The following ADCY9 variants were observed in gnomAD, a reference collection of about 807,000 sequenced individuals.
The protein encoded by ADCY9 is adenylate cyclase 9, also known as adenylate cyclase type 9.
ADCY9 carries 50 observed loss-of-function variants against 101.5 expected under a neutral mutation model. That is an observed-to-expected ratio of 0.49 (90% CI 0.39 to 0.62). The LOEUF (loss-of-function observed/expected upper bound fraction) is 0.62. ADCY9 is among the 20% of genes least tolerant of loss of function. The pLI is 0.00. For missense variants in ADCY9, 1,662 were observed against 1,800.4 expected, an observed-to-expected ratio of 0.92 and a Z score of 1.39; for synonymous variants, 905 against 769.3, an observed-to-expected ratio of 1.18 and a Z score of -2.92.
chr16:3,965,180 T>TG lies in ADCY9; in HGVS notation c.*594dup. ...TGCTCGGGAAAGTGCGGGTGGGCAA[T>TG]GGGGGGTGGCGGAGCTGTCGTGACA... On this transcript the variant is annotated 3_prime_UTR_variant, in exon 11 of 11. Transcript: ENST00000294016. 1 of 156,268 alleles carries TG rather than the reference T, an allele frequency of 6.4e-6. No individual in the cohort carries two copies. The highest frequency in any genetic ancestry group is 1.4e-5 in the Non-Finnish European group (1 of 70,454). 9.7% of individuals were successfully genotyped at this position (156,268 alleles called of 1,614,324 possible).
At chr16:3,970,448 T>TC (rs1402161668) in intron 10 of ADCY9, among the ~76,000 whole-genome samples, 5 of 152,172 alleles carry the variant, frequency 3.3e-5, no homozygotes, top group Non-Finnish European at 7.3e-5. Flanking sequence ...TGCCTCAGCC[T>TC]CCCGAGTAGC....
chr16:4,102,189 A>T (rs365010), intron 2 of ADCY9, among the ~76,000 whole-genome samples: 2 of 151,946 alleles, frequency 1.3e-5, no homozygotes, highest in Admixed American at 6.6e-5. Context: ...TATGCAAATA[A>T]GTGCTTTTCT....
intron 2 of ADCY9, among the ~76,000 whole-genome samples, chr16:4,108,360 ATTTTTTTT>A (rs869169536): frequency 1.3e-4 from 7 of 53,740 alleles, no homozygotes; most frequent in South Asian, 2.4e-3. Context: ...CCGTTTCTTC[ATTTTTTTT>A]TTTTTTTTTT....
chr16:4,046,541 G>C (rs78101013), intron 2 of ADCY9, among the ~76,000 whole-genome samples: 1 of 152,102 alleles, frequency 6.6e-6, no homozygotes, highest in Non-Finnish European at 1.5e-5. Flanking sequence ...GCTGGGAGTA[G>C]CTTAGTAGTC....
intron 2 of ADCY9, among the ~76,000 whole-genome samples, chr16:4,046,834 C>T (rs1182884650): frequency 6.7e-5 from 10 of 149,328 alleles, no homozygotes; most frequent in Non-Finnish European, 1.3e-4. Flanking sequence ...CTCAACAAAA[C>T]AACAAAAAAA....
At chr16:3,988,793 A>G (rs2056219601) in intron 6 of ADCY9, among the ~76,000 whole-genome samples, 1 of 152,186 alleles carries the variant, frequency 6.6e-6, no homozygotes, top group African/African-American at 2.4e-5. Flanking sequence ...CTTTAAGACA[A>G]AGGACTAAAG....
intron 10 of ADCY9, among the ~76,000 whole-genome samples, chr16:3,970,019 C>A (rs1257150551): frequency 6.6e-6 from 1 of 152,150 alleles, no homozygotes; most frequent in Non-Finnish European, 1.5e-5. Flanking sequence ...GCATTCTAGT[C>A]TTTTTCTTTT....
At chr16:4,034,979 C>T (rs1240588842) in intron 2 of ADCY9, among the ~76,000 whole-genome samples, 1 of 152,232 alleles carries the variant, frequency 6.6e-6, no homozygotes, top group Non-Finnish European at 1.5e-5. Context: ...ACATCTGGCA[C>T]AGCAGCTGTA....
chr16:3,983,331 A>G lies in ADCY9; in HGVS notation c.2420T>C (p.Leu807Pro). 1 of 1,586,554 alleles carries G rather than the reference A, an allele frequency of 6.3e-7. No individual in the cohort carries two copies. Among genetic ancestry groups the G allele is most frequent in the Non-Finnish European group, 8.6e-7 (1 of 1,166,726 alleles). The change falls in exon 7 of 11, where the codon CTG (leucine) becomes CCG (proline). Residue 807 changes from leucine to proline, a missense_variant. By Grantham distance (98) the Leu-to-Pro change is moderately conservative. This residue lies in a region of ADCY9 where 624 missense variants were observed against 639.1 expected (regional missense o/e 0.98). Coordinates refer to ENST00000294016, the MANE Select transcript of ADCY9 (RefSeq NM_001116.4). ...VFLTLSTTCFLKYEAATVPPP... is the reference protein window; with the variant it reads ...VFLTLSTTCFPKYEAATVPPP... ...AGGCACGGTGGCCGCCTCGTACTTCAGGAAGCAGGTGGTGGACAGCGTCAG... is the reference window on the plus strand; with the variant it reads ...AGGCACGGTGGCCGCCTCGTACTTCGGGAAGCAGGTGGTGGACAGCGTCAG...
At chr16:4,089,118 G>GT (rs113310373) in intron 2 of ADCY9, among the ~76,000 whole-genome samples, 47,267 of 151,548 alleles carry the variant, frequency 0.31, 8,281 homozygotes, top group East Asian at 0.51. Flanking sequence ...TTGAGACAGA[G>GT]ATTGCTCTGT....
downstream of ADCY9, among the ~76,000 whole-genome samples, chr16:3,960,205 A>T (rs2055930459): frequency 6.6e-6 from 1 of 151,524 alleles, no homozygotes; most frequent in Admixed American, 6.6e-5. Context: ...GCATTCGTGG[A>T]CTCCTGAAAT....
chr16:3,959,221 C>T (rs1041654610), downstream of ADCY9, among the ~76,000 whole-genome samples: 48 of 151,996 alleles, frequency 3.2e-4, no homozygotes, highest in African/African-American at 1.1e-3. Context: ...ACCAGCAGGG[C>T]GTAGTGGCAC....
intron 2 of ADCY9, among the ~76,000 whole-genome samples, chr16:4,045,930 G>A (rs988504598): frequency 2.5e-5 from 3 of 121,384 alleles, no homozygotes; most frequent in African/African-American, 9.3e-5. Flanking sequence ...GGCTGGTCTT[G>A]AACTCCTAGG....
At chr16:4,087,583 G>C (rs545820468) in intron 2 of ADCY9, among the ~76,000 whole-genome samples, 1 of 149,488 alleles carries the variant, frequency 6.7e-6, no homozygotes, top group African/African-American at 2.4e-5. Context: ...CAACAGCTAA[G>C]AGTTTGGCAG....
At chr16:3,981,442 C>A (rs373312126) in intron 7 of ADCY9, among the ~76,000 whole-genome samples, 2 of 152,086 alleles carry the variant, frequency 1.3e-5, no homozygotes, top group Non-Finnish European at 2.9e-5. Flanking sequence ...GAGTGACTGC[C>A]CATGAGGATG....
chr16:4,094,375 T>C (rs1410461051), intron 2 of ADCY9, among the ~76,000 whole-genome samples: 1 of 152,182 alleles, frequency 6.6e-6, no homozygotes, highest in African/African-American at 2.4e-5. Context: ...GACAACCCTG[T>C]CCTTCAGAAC....
At chr16:3,983,157 C>T in intron 7 of ADCY9, 75 bp downstream of exon 7, 1 of 1,382,718 alleles carries the variant, frequency 7.2e-7, no homozygotes, top group Non-Finnish European at 9.7e-7. Context: ...AGTCCAACCG[C>T]TCAGCCATAA....
Position 4,106,195 on chromosome 16 carries a change from A to T in ADCY9, c.1693+7555T>A, listed in dbSNP as rs1597230892. ...ATTTCCAAGAGCAGACAAGTTTTAC[A>T]AGGGGCAGTCTTCTTCGCTGAAGTT... On this transcript the variant is annotated intron_variant, in intron 2 of 10. Coordinates refer to ENST00000294016, the MANE Select transcript of ADCY9 (RefSeq NM_001116.4). Among the ~76,000 whole-genome samples, 5 of 152,352 alleles carry T rather than the reference A, an allele frequency of 3.3e-5. No homozygotes were observed. In the South Asian group the frequency reaches 1.0e-3, roughly 32 times the overall value.
chr16:4,011,708 G>GC (rs1486100361), intron 2 of ADCY9, among the ~76,000 whole-genome samples: 8 of 152,142 alleles, frequency 5.3e-5, no homozygotes, highest in Non-Finnish European at 1.0e-4. Context: ...CAGGAGCAGA[G>GC]CTAGTGAGCT....
Sources: allele counts gnomAD v4.1 joint callset (sites outside exome capture counted in the v4.1 genomes callset), GRCh38; gene constraint gnomAD v4.1.1; regional missense constraint gnomAD v4.1.1; transcripts MANE v1.5; gene names NCBI Gene and HGNC (gene_info 2026-07-23, HGNC 2026-07-21).